APBB2: variants seen among roughly 807,000 people sequenced by gnomAD.
APBB2 encodes amyloid beta precursor protein binding family B member 2, also known as Fe65-like 1.
In APBB2, 38 loss-of-function variants were observed where a neutral mutation model predicts 82.5. The ratio of observed to expected loss-of-function variants is 0.46; its 90% CI spans 0.36 to 0.60. The LOEUF (loss-of-function observed/expected upper bound fraction) is 0.60, where lower values mean the gene tolerates loss of function less well. APBB2 is among the 20% of genes least tolerant of loss of function. The probability of loss-of-function intolerance (pLI) is 0.00; values close to 1 mark genes in which losing one functional copy is unlikely to be tolerated. For missense variants in APBB2, 772 were observed against 972.3 expected (o/e 0.79, Z 2.74); for synonymous variants, 341 against 368.2 (o/e 0.93, Z 0.85).
At chr4:41,042,383 T>C (rs943341359) in intron 4 of APBB2, among the ~76,000 whole-genome samples, 1 of 152,230 alleles carries the variant, frequency 6.6e-6, no homozygotes, top group African/African-American at 2.4e-5. Flanking sequence ...ATTTAAAATA[T>C]GCTATTGGAC....
intron 11 of APBB2, 110 bp from the exon 12 acceptor site, chr4:40,890,601 G>C: frequency 3.5e-6 from 5 of 1,435,292 alleles, no homozygotes; most frequent in Non-Finnish European, 4.7e-6. Flanking sequence ...AGCCACCCTG[G>C]GGTCTGTAAT....
intron 3 of APBB2, among the ~76,000 whole-genome samples, chr4:41,072,698 G>A (rs936605682): frequency 2.0e-5 from 3 of 152,112 alleles, no homozygotes; most frequent in Non-Finnish European, 4.4e-5. Context: ...AAACCTGCCC[G>A]GAGCGTGTTA....
intron 1 of APBB2, among the ~76,000 whole-genome samples, chr4:41,195,376 C>T: frequency 2.0e-5 from 3 of 152,206 alleles, no homozygotes; most frequent in African/African-American, 7.2e-5. Context: ...CTTTCTATCA[C>T]ACCCCACATT....
intron 4 of APBB2, among the ~76,000 whole-genome samples, chr4:41,065,190 G>A (rs950894642): frequency 3.9e-5 from 6 of 152,026 alleles, no homozygotes; most frequent in East Asian, 1.9e-4. Flanking sequence ...GTAAGCTAAG[G>A]TGGAAGGATC....
At chr4:41,056,936 T>C (rs769306910) in intron 4 of APBB2, among the ~76,000 whole-genome samples, 24 of 152,172 alleles carry the variant, frequency 1.6e-4, no homozygotes, top group Non-Finnish European at 3.2e-4. Flanking sequence ...TCATGTTGGA[T>C]TTATTGGTAT....
chr4:40,918,626 C>G (rs1780431550), intron 10 of APBB2, among the ~76,000 whole-genome samples: 1 of 152,196 alleles, frequency 6.6e-6, no homozygotes, highest in Admixed American at 6.5e-5. Context: ...AAGGAGCATG[C>G]AAAGGAGCTA....
At chr4:40,816,920 T>C (rs759229174) in intron 17 of APBB2, among the ~76,000 whole-genome samples, 1 of 152,204 alleles carries the variant, frequency 6.6e-6, no homozygotes, top group Non-Finnish European at 1.5e-5. Flanking sequence ...ACATGGTACA[T>C]ACAAGTCTAA....
chr4:41,122,602 T>C (rs1307188057), intron 2 of APBB2, among the ~76,000 whole-genome samples: 1 of 152,192 alleles, frequency 6.6e-6, no homozygotes, highest in Non-Finnish European at 1.5e-5. Context: ...GTAATTCCTA[T>C]TGTTTTGATC....
At chr4:41,191,337 C>G (rs1774381313) in intron 1 of APBB2, among the ~76,000 whole-genome samples, 1 of 152,154 alleles carries the variant, frequency 6.6e-6, no homozygotes, top group South Asian at 2.1e-4. Context: ...ATCTAATTCC[C>G]CTGCCCAACC....
chr4:40,925,662 C>A lies in APBB2; in HGVS notation c.1254+8794G>T, dbSNP rs116082313. Among the ~76,000 whole-genome samples, 359 of 152,302 alleles carry A rather than the reference C, an allele frequency of 2.4e-3. 2 individuals carry two copies. Among genetic ancestry groups the A allele is most frequent in the African/African-American group, 8.2e-3 (341 of 41,562 alleles). Reference sequence around the variant, plus strand: ...CGTGAATAAAAATCAATTATAAGAACTACATGCAGCTGTAACATCCCATAT... The same window carrying A: ...CGTGAATAAAAATCAATTATAAGAAATACATGCAGCTGTAACATCCCATAT... On this transcript the variant is annotated intron_variant, in intron 10 of 17. Coordinates refer to ENST00000508593, the MANE Select transcript of APBB2 (RefSeq NM_004307.2).
intron 5 of APBB2, among the ~76,000 whole-genome samples, chr4:41,025,818 C>G (rs1327731332): frequency 7.3e-6 from 1 of 137,248 alleles, no homozygotes; most frequent in Non-Finnish European, 1.5e-5. Context: ...AGTTGGAAGG[C>G]TGATGGCCGG....
intron 1 of APBB2, among the ~76,000 whole-genome samples, chr4:41,175,960 A>C (rs1278078731): frequency 6.6e-6 from 1 of 152,166 alleles, no homozygotes; most frequent in Non-Finnish European, 1.5e-5. Flanking sequence ...CCAACATGGA[A>C]GCCACTTATC....
At chr4:40,877,940 C>T (rs1436085590) in intron 12 of APBB2, among the ~76,000 whole-genome samples, 1 of 152,196 alleles carries the variant, frequency 6.6e-6, no homozygotes, top group African/African-American at 2.4e-5. Flanking sequence ...CTGAAGATGG[C>T]TCTCCAGTGG....
rs1560389701 is a variant in APBB2, at chr4:40,960,447, G to GATTT, written c.836-15375_836-15374insAAAT. 2.6e-4 allele frequency among the ~76,000 whole-genome samples: 36 copies of GATTT among 138,978 alleles called. 1 individual carries two copies. Among genetic ancestry groups the GATTT allele is most frequent in the Non-Finnish European group, 4.6e-4 (30 of 65,806 alleles). The allele number at this position is 138,978 out of a possible 152,430, so 91.2% of individuals were successfully genotyped here. A position where few individuals can be genotyped will look rare whatever the true frequency, so the allele number is the denominator to read the frequency against. ...ATCAAAAACAGAAATTTTTTTTCGGGTTTTTTTTTTTTTTTTTTGAGACGG... is the reference window on the plus strand; with the variant it reads ...ATCAAAAACAGAAATTTTTTTTCGGGATTTTTTTTTTTTTTTTTTTTTGAGACGG... On this transcript the variant is annotated intron_variant, in intron 6 of 17. Transcript: ENST00000508593.
At position 40,821,964 on chromosome 4, in the gene APBB2, G is replaced by A; in HGVS notation, c.2019C>T (p.Ile673=). ...VGKDVHTFAF[I]MDTGNQRFEC... ...CAAAGCGCTGGTTCCCCGTGTCCAT[G>A]ATGAAGGCAAATGTGTGGACGTCCT... Residue 673 remains isoleucine (I), a synonymous_variant, in exon 17 of 18, where the codon ATC becomes ATT. Transcript: ENST00000508593. The A allele has an allele frequency of 6.2e-7, 1 of 1,614,172 alleles. No individual in the cohort carries two copies. The highest frequency in any genetic ancestry group is 2.2e-5 in the East Asian group (1 of 44,876).
intron 3 of APBB2, among the ~76,000 whole-genome samples, chr4:41,080,828 G>A (rs998940496): frequency 1.7e-4 from 26 of 150,970 alleles, no homozygotes; most frequent in African/African-American, 5.8e-4. Context: ...TCAGCCTCCC[G>A]AGTAGCTGGG....
At chr4:41,151,226 C>T (rs974617599) in intron 1 of APBB2, among the ~76,000 whole-genome samples, 3 of 152,070 alleles carry the variant, frequency 2.0e-5, no homozygotes, top group Non-Finnish European at 2.9e-5. Flanking sequence ...TACAAAGATG[C>T]CATCTTACAG....
chr4:41,028,250 A>G (rs1715280884), intron 5 of APBB2, among the ~76,000 whole-genome samples: 2 of 152,262 alleles, frequency 1.3e-5, no homozygotes, highest in South Asian at 2.1e-4. Flanking sequence ...CGCAGAGCGC[A>G]CACTCTAGGG....
At chr4:40,839,657 A>AT (rs1755150777) in intron 12 of APBB2, among the ~76,000 whole-genome samples, 1 of 150,858 alleles carries the variant, frequency 6.6e-6, no homozygotes, top group African/African-American at 2.4e-5. Context: ...TCCATGAGGG[A>AT]TTTTTCTTTT....
Sources: gnomAD v4.1 joint callset for allele counts (sites outside exome capture counted in the v4.1 genomes callset) on GRCh38, gnomAD v4.1.1 for gene constraint, MANE v1.5 for transcripts, NCBI Gene and HGNC (gene_info 2026-07-23, HGNC 2026-07-21) for gene names.